The following ANKRD44 variants were observed in gnomAD, a reference collection of about 807,000 sequenced individuals.
The protein encoded by ANKRD44 is serine/threonine-protein phosphatase 6 regulatory ankyrin repeat subunit B.
ANKRD44 carries 35 observed loss-of-function variants against 116.0 expected under a neutral mutation model. The observed-to-expected ratio is 0.30, with a 90% CI of 0.23 to 0.40. The LOEUF is 0.40. ANKRD44 is among the 10% of genes least tolerant of loss of function. The pLI, the probability that ANKRD44 is intolerant of heterozygous loss-of-function variation, is 1.00. For synonymous variants in ANKRD44, 435 were observed against 461.8 expected, an observed-to-expected ratio of 0.94 and a Z score of 0.74; for missense variants, 1,014 against 1,242.6, an observed-to-expected ratio of 0.82 and a Z score of 2.77.
chr2:197,000,421 G>T lies in ANKRD44; in HGVS notation c.2517C>A (p.Gly839=). The change falls in exon 23 of 28, where the codon GGC becomes GGA. Residue 839 remains glycine, a splice_region_variant and synonymous_variant. Transcript: ENST00000282272. ...SSIVSCRDDK[G]RTPLHAAAFA... The stretch of plus-strand genomic sequence containing the variant: ...GCATGCTGTTTTAGATTACTTACCT[G>T]CCTTTGTCATCTCTACAACTGACGA... 1 of 1,613,142 alleles carries T rather than the reference G, an allele frequency of 6.2e-7. No individual in the cohort carries two copies. The highest frequency in any genetic ancestry group is 8.5e-7 in the Non-Finnish European group (1 of 1,179,184).
At chr2:197,018,534 C>T (rs1380189710) in intron 17 of ANKRD44, among the ~76,000 whole-genome samples, 1 of 152,174 alleles carries the variant, frequency 6.6e-6, no homozygotes, top group Non-Finnish European at 1.5e-5. Flanking sequence ...CTCTGCCCTC[C>T]ACCTCACACA....
chr2:197,272,899 C>T (rs1007343692), intron 1 of ANKRD44, among the ~76,000 whole-genome samples: 28 of 152,250 alleles, frequency 1.8e-4, no homozygotes, highest in African/African-American at 6.7e-4. Flanking sequence ...AGACACCCTC[C>T]TCCCACACAA....
chr2:197,305,919 G>T, intron 1 of ANKRD44, among the ~76,000 whole-genome samples: 1 of 147,260 alleles, frequency 6.8e-6, no homozygotes. Flanking sequence ...AAATTTTTTG[G>T]TTTGCTCATC....
intron 17 of ANKRD44, among the ~76,000 whole-genome samples, chr2:197,020,442 G>A (rs896028263): frequency 6.6e-6 from 1 of 152,174 alleles, no homozygotes; most frequent in Non-Finnish European, 1.5e-5. Flanking sequence ...CCTGGGCCAC[G>A]TTGGAAGAAT....
At chr2:197,291,300 A>C (rs1305305886) in intron 1 of ANKRD44, among the ~76,000 whole-genome samples, 1 of 152,204 alleles carries the variant, frequency 6.6e-6, no homozygotes, top group Non-Finnish European at 1.5e-5. Flanking sequence ...ACCTGAGGTC[A>C]GCAGTTCAAG....
chr2:197,028,471 G>A (rs139338426), intron 16 of ANKRD44, among the ~76,000 whole-genome samples: 2 of 152,274 alleles, frequency 1.3e-5, no homozygotes, highest in South Asian at 2.1e-4. Context: ...TATGATGGTC[G>A]TCAACATCCA....
chr2:197,260,254 C>T (rs187384005), intron 1 of ANKRD44, among the ~76,000 whole-genome samples: 2 of 152,038 alleles, frequency 1.3e-5, no homozygotes, highest in Admixed American at 1.3e-4. Flanking sequence ...CCACAACAGT[C>T]CCCGGTGTGT....
At chr2:197,144,140 C>T (rs1324959463) in intron 3 of ANKRD44, among the ~76,000 whole-genome samples, 3 of 152,184 alleles carry the variant, frequency 2.0e-5, no homozygotes, top group African/African-American at 7.2e-5. Context: ...TTTCCAAGGG[C>T]TGAATTCTTC....
intron 4 of ANKRD44, among the ~76,000 whole-genome samples, chr2:197,129,315 T>C (rs927881368): frequency 6.6e-6 from 1 of 152,072 alleles, no homozygotes; most frequent in African/African-American, 2.4e-5. Flanking sequence ...TTTGTATTTT[T>C]AGTAGAGACA....
chr2:197,150,347 G>A (rs533849585), intron 2 of ANKRD44, among the ~76,000 whole-genome samples: 34 of 152,202 alleles, frequency 2.2e-4, no homozygotes, highest in African/African-American at 7.9e-4. Context: ...AGGAGATTGA[G>A]ACCATCCTGG....
At chr2:197,073,471 A>T (rs866222580) in intron 16 of ANKRD44, among the ~76,000 whole-genome samples, 1 of 152,062 alleles carries the variant, frequency 6.6e-6, no homozygotes, top group African/African-American at 2.4e-5. Flanking sequence ...ATATACTTTG[A>T]CCCATCATTT....
At chr2:197,209,735 T>C (rs998104257) in intron 1 of ANKRD44, among the ~76,000 whole-genome samples, 1 of 152,216 alleles carries the variant, frequency 6.6e-6, no homozygotes, top group African/African-American at 2.4e-5. Context: ...AGAACTAGGA[T>C]AGTTTATGGA....
intron 16 of ANKRD44, 73 bp from the exon 17 acceptor site, chr2:197,025,340 G>A (rs2076571173): frequency 8.0e-7 from 1 of 1,243,580 alleles, no homozygotes; most frequent in Non-Finnish European, 1.2e-6. Context: ...TGAGAAAAGA[G>A]GTTTCAGAAA....
At chr2:196,995,127 T>C (rs2075990601) in intron 26 of ANKRD44, 1 of 264,074 alleles carries the variant, frequency 3.8e-6, no homozygotes, top group East Asian at 6.6e-5. Context: ...ACCCCAGAAA[T>C]ATCAGCAAAG....
Position 196,989,422 on chromosome 2 carries a change from T to C in ANKRD44, c.*169A>G. ...AACTCCATAAAAAAGCTACTTCAGT[T>C]CTCACTTGCATTTTGAAGGAAAAAA... On this transcript the variant is annotated 3_prime_UTR_variant, in exon 28 of 28. Coordinates refer to ENST00000282272, the MANE Select transcript of ANKRD44 (RefSeq NM_001195144.2). The C allele has an allele frequency of 8.0e-7, 1 of 1,243,160 alleles. No homozygotes were observed. The highest frequency in any genetic ancestry group is 1.0e-6 in the Non-Finnish European group (1 of 989,994). 77.0% of individuals were successfully genotyped at this position (1,243,160 alleles called of 1,614,324 possible).
At chr2:197,002,777 A>G (rs941793049) in intron 21 of ANKRD44, among the ~76,000 whole-genome samples, 2 of 152,208 alleles carry the variant, frequency 1.3e-5, no homozygotes, top group Non-Finnish European at 2.9e-5. Context: ...GTGGTTCTCA[A>G]TTCTAATGTG....
intron 1 of ANKRD44, among the ~76,000 whole-genome samples, chr2:197,249,722 T>C (rs572586511): frequency 6.6e-6 from 1 of 152,366 alleles, no homozygotes. Flanking sequence ...TTACAGCATT[T>C]ATTTTGAGAA....
intron 16 of ANKRD44, chr2:197,078,289 CCACACACACACACACA>C: frequency 5.1e-5 from 8 of 158,042 alleles, no homozygotes; most frequent in Admixed American, 6.2e-5. Flanking sequence ...CCACTGATTA[CCACACACACACACACA>C]CACACACACA....
At chr2:197,031,066 T>G (rs1048811651) in intron 16 of ANKRD44, among the ~76,000 whole-genome samples, 1 of 152,146 alleles carries the variant, frequency 6.6e-6, no homozygotes, top group Non-Finnish European at 1.5e-5. Flanking sequence ...AAGCAAAACT[T>G]TCTAAAAATC....
Sources: allele counts gnomAD v4.1 joint callset (sites outside exome capture counted in the v4.1 genomes callset), GRCh38; gene constraint gnomAD v4.1.1; transcripts MANE v1.5; gene names NCBI Gene and HGNC (gene_info 2026-07-23, HGNC 2026-07-21).